The following C22orf31 variants were observed in gnomAD, a reference collection of about 807,000 sequenced individuals.
C22orf31 encodes uncharacterized protein C22orf31.
In C22orf31, 11 loss-of-function variants were observed where a neutral mutation model predicts 15.0. That is an observed-to-expected ratio of 0.73 (90% CI 0.46 to 1.21). The LOEUF (loss-of-function observed/expected upper bound fraction) is 1.21, where lower values mean the gene tolerates loss of function less well. C22orf31 is among the 50% of genes most tolerant of loss of function. C22orf31 has a pLI of 0.00. For missense variants in C22orf31, 340 were observed against 347.2 expected (o/e 0.98, Z 0.17); for synonymous variants, 132 against 133.3 (o/e 0.99, Z 0.07).
the C22orf31 span, among the ~76,000 whole-genome samples, chr22:29,073,676 C>G: frequency 6.6e-5 from 10 of 151,022 alleles, no homozygotes; most frequent in Non-Finnish European, 1.2e-4. The surrounding 1 kb of genome is among the most constrained non-coding windows in gnomAD (Gnocchi z 4.4). Flanking sequence ...TTCCCCCGGG[C>G]CGGGACGTCC....
chr22:29,059,856 T>TGA, intron 2 of C22orf31: 1 of 985,336 alleles, frequency 1.0e-6, no homozygotes, highest in Non-Finnish European at 1.2e-6. Context: ...TCTGTGCTTA[T>TGA]GAAAGCCACC....
chr22:29,063,400 A>G (rs1255104296), upstream of C22orf31, among the ~76,000 whole-genome samples: 1 of 152,128 alleles, frequency 6.6e-6, no homozygotes, highest in East Asian at 1.9e-4. Flanking sequence ...TCCTGGCCTC[A>G]AGTGATCCAC....
chr22:29,068,742 G>T, the C22orf31 span, among the ~76,000 whole-genome samples: 1 of 148,366 alleles, frequency 6.7e-6, no homozygotes, highest in Non-Finnish European at 1.5e-5. Context: ...AAGACAAGGA[G>T]GTGGCTCAAC....
chr22:29,063,303 T>C (rs534258940), upstream of C22orf31, among the ~76,000 whole-genome samples: 24 of 152,260 alleles, frequency 1.6e-4, no homozygotes, highest in East Asian at 3.5e-3. Flanking sequence ...GACGCTGGGA[T>C]TACAGGCGCG....
upstream of C22orf31, among the ~76,000 whole-genome samples, chr22:29,062,615 G>A (rs768571697): frequency 2.2e-4 from 33 of 152,160 alleles, no homozygotes; most frequent in Admixed American, 1.2e-3. Context: ...CTGAGGGGGA[G>A]GCCAGTGAAA....
chr22:29,065,105 C>T (rs1192562185), upstream of C22orf31, among the ~76,000 whole-genome samples: 1 of 152,040 alleles, frequency 6.6e-6, no homozygotes, highest in Admixed American at 6.6e-5. Flanking sequence ...TACCAGCCTT[C>T]ACCTCCCAAA....
chr22:29,067,131 C>G, the C22orf31 span, among the ~76,000 whole-genome samples: 2 of 152,160 alleles, frequency 1.3e-5, no homozygotes, highest in Admixed American at 6.5e-5. Context: ...TCATTTAAAG[C>G]TGGGACAGTC....
In C22orf31 at chr22:29,060,402, G is replaced by C. The variant is rs1197936430; in HGVS notation, c.432+13C>G. On this transcript the variant is annotated intron_variant, in intron 2 of 2. Transcript: ENST00000216071. The stretch of plus-strand genomic sequence containing the variant: ...CGCCAGTCACATTTTCCCCACCACT[G>C]GTCCTCGTCTACCTCTCTGATGCCT... 2 of 1,602,390 alleles carry C rather than the reference G, an allele frequency of 1.2e-6. No individual in the cohort carries two copies. The highest frequency in any genetic ancestry group is 8.5e-7 in the Non-Finnish European group (1 of 1,174,922).
the C22orf31 span, chr22:29,073,125 C>T: frequency 9.6e-7 from 1 of 1,040,350 alleles, no homozygotes. This position sits in a 1 kb window ranked among gnomAD's most constrained non-coding sequence, Gnocchi z 4.4. Context: ...CCCGCACTGA[C>T]GGCCCATGGC....
At chr22:29,073,098 G>T in the C22orf31 span, 1 of 785,348 alleles carries the variant, frequency 1.3e-6, no homozygotes, top group Non-Finnish European at 1.5e-6. The surrounding 1 kb of genome is among the most constrained non-coding windows in gnomAD (Gnocchi z 4.4). Flanking sequence ...CCTTTACCCC[G>T]GGCCGCGCCC....
chr22:29,068,483 T>C, the C22orf31 span, among the ~76,000 whole-genome samples: 2 of 150,502 alleles, frequency 1.3e-5, no homozygotes, highest in Admixed American at 6.7e-5. Context: ...TGATCTTGGC[T>C]CACTGCAACC....
At chr22:29,063,910 C>T (rs1052053591), upstream of C22orf31, among the ~76,000 whole-genome samples, 1 of 152,182 alleles carries the variant, frequency 6.6e-6, no homozygotes, top group African/African-American at 2.4e-5. Context: ...TCTTGTCACC[C>T]AGGCTGGAGT....
the C22orf31 span, among the ~76,000 whole-genome samples, chr22:29,069,850 C>T: frequency 1.3e-5 from 2 of 151,860 alleles, no homozygotes; most frequent in Admixed American, 6.6e-5. Context: ...TTTTCATGGG[C>T]GTGCAACCTG....
chr22:29,064,238 C>T (rs2037414283), upstream of C22orf31, among the ~76,000 whole-genome samples: 1 of 152,192 alleles, frequency 6.6e-6, no homozygotes, highest in Non-Finnish European at 1.5e-5. Flanking sequence ...TCAGCCCATC[C>T]ATCTACCATA....
At chr22:29,072,140 TTTTTG>T in the C22orf31 span, among the ~76,000 whole-genome samples, 11 of 150,632 alleles carry the variant, frequency 7.3e-5, no homozygotes, top group African/African-American at 2.2e-4. Context: ...TTTTGGTTTT[TTTTTG>T]TTTTTGTTTT....
upstream of C22orf31, among the ~76,000 whole-genome samples, chr22:29,065,014 C>T (rs181105663): frequency 5.3e-5 from 8 of 151,902 alleles, no homozygotes; most frequent in African/African-American, 1.4e-4. Context: ...CCACCACGCC[C>T]GGCTAATTTT....
At chr22:29,066,716 A>G (rs369755215), upstream of C22orf31, among the ~76,000 whole-genome samples, 8 of 150,870 alleles carry the variant, frequency 5.3e-5, no homozygotes, top group East Asian at 1.4e-3. Flanking sequence ...ACTCACCACC[A>G]TGCCCAGCTA....
the C22orf31 span, among the ~76,000 whole-genome samples, chr22:29,070,369 G>T: frequency 6.6e-6 from 1 of 152,214 alleles, no homozygotes. Context: ...TGGAGGAGGG[G>T]CTGCTGCCAG....
chr22:29,059,750 T>C (rs1307090198), intron 2 of C22orf31: 3 of 985,154 alleles, frequency 3.0e-6, no homozygotes, highest in Non-Finnish European at 3.6e-6. Flanking sequence ...GATCCATAGC[T>C]GACCACTGGT....
Sources: allele counts gnomAD v4.1 joint callset (sites outside exome capture counted in the v4.1 genomes callset), GRCh38; gene constraint gnomAD v4.1.1; non-coding constraint Gnocchi (gnomAD v3.1); transcripts MANE v1.5; gene names NCBI Gene and HGNC (gene_info 2026-07-23, HGNC 2026-07-21).